ABCB11: variants seen among roughly 807,000 people sequenced by gnomAD.
The protein encoded by ABCB11 is ATP binding cassette subfamily B member 11, also known as bile salt export pump.
In ABCB11, 95 loss-of-function variants were observed where a neutral mutation model predicts 148.0. The observed-to-expected ratio is 0.64, with a 90% CI of 0.54 to 0.76. ABCB11 has a LOEUF of 0.76. ABCB11 is among the 30% of genes least tolerant of loss of function. The pLI, the probability that ABCB11 is intolerant of heterozygous loss-of-function variation, is 0.00. For synonymous variants in ABCB11, 591 were observed against 555.4 expected (o/e 1.06, Z -0.90); for missense variants, 1,523 against 1,617.8 (o/e 0.94, Z 1.01).
intron 5 of ABCB11, among the ~76,000 whole-genome samples, chr2:169,001,474 G>A (rs1421929230): frequency 2.0e-5 from 3 of 152,104 alleles, no homozygotes; most frequent in Non-Finnish European, 2.9e-5. Context: ...AGCAGGTAAG[G>A]GGAGAGGTGC....
chr2:169,026,312 T>C (rs1695692774), intron 1 of ABCB11, among the ~76,000 whole-genome samples: 1 of 152,226 alleles, frequency 6.6e-6, no homozygotes, highest in Non-Finnish European at 1.5e-5. Flanking sequence ...CTGTTCTTTT[T>C]TGACATGCCA....
At chr2:168,933,482 C>T (rs1018706005) in intron 23 of ABCB11, among the ~76,000 whole-genome samples, 4 of 152,006 alleles carry the variant, frequency 2.6e-5, no homozygotes, top group African/African-American at 9.7e-5. Context: ...TGAGTAGTAG[C>T]CCCCAAAGCT....
At chr2:168,945,336 C>A (rs908141779) in intron 19 of ABCB11, among the ~76,000 whole-genome samples, 3 of 151,794 alleles carry the variant, frequency 2.0e-5, no homozygotes, top group Non-Finnish European at 4.4e-5. Context: ...AGTAATTAAA[C>A]GAAAGTTAGC....
rs748082281 is a variant in ABCB11 at position 169,013,248 on chromosome 2, A to C, written c.389+24T>G. The C allele has an allele frequency of 3.8e-6, 6 of 1,562,760 alleles. No individual in the cohort carries two copies. In the South Asian group the frequency reaches 5.9e-5, roughly 15 times the overall value. On this transcript the variant is annotated intron_variant, in intron 5 of 27. Transcript: ENST00000650372. Reference sequence around the variant, plus strand: ...TTTAAGATATGAGCAAAAAAGTAAAAAATTAAAAACAAAAACAACCTACCC... The same window carrying C: ...TTTAAGATATGAGCAAAAAAGTAAACAATTAAAAACAAAAACAACCTACCC...
In ABCB11 at chr2:168,976,607, G is replaced by A. The variant is rs762550955; in HGVS notation, c.1278C>T (p.Thr426=). 2 of 1,605,844 alleles carry A rather than the reference G, an allele frequency of 1.2e-6. No individual in the cohort carries two copies. The highest frequency in any genetic ancestry group is 1.7e-5 in the Admixed American group (1 of 59,652). Residue 426 remains threonine (T), a synonymous_variant, in exon 12 of 28, where the codon ACC becomes ACT. Coordinates refer to ENST00000650372, the MANE Select transcript of ABCB11 (RefSeq NM_003742.4). The part of the protein sequence containing the change: ...IKGEIEFHNV[T]FHYPSRPEVK... The stretch of plus-strand genomic sequence containing the variant: ...CCTCTGGTCTGGAAGGATAATGGAA[G>A]GTCACATTATGGAATTCAATTTCAC...
Position 168,994,208 on chromosome 2 carries a change from T to C in ABCB11, c.612-326A>G, listed in dbSNP as rs3815677. Reference sequence around the variant, plus strand: ...CTCTGTCTTGCAAAGCTTTTCTTTCTTCATGCCTGCTGAATCCTTTCAGCC... The same window carrying C: ...CTCTGTCTTGCAAAGCTTTTCTTTCCTCATGCCTGCTGAATCCTTTCAGCC... On this transcript the variant is annotated intron_variant, in intron 7 of 27. Transcript: ENST00000650372. 0.015 allele frequency among the ~76,000 whole-genome samples: 2,296 copies of C among 152,208 alleles called. 252 individuals are homozygous for C. In the East Asian group the frequency reaches 0.3, roughly 20 times the overall value.
chr2:169,003,628 T>G (rs1450732438), intron 5 of ABCB11, among the ~76,000 whole-genome samples: 1 of 152,102 alleles, frequency 6.6e-6, no homozygotes, highest in Non-Finnish European at 1.5e-5. Flanking sequence ...GATTACTGGA[T>G]CAAACGGTAG....
At chr2:169,023,823 G>A (rs1467896650) in intron 1 of ABCB11, among the ~76,000 whole-genome samples, 1 of 152,206 alleles carries the variant, frequency 6.6e-6, no homozygotes, top group Non-Finnish European at 1.5e-5. Context: ...ATGAGACTGG[G>A]GAGGGGCTCA....
intron 21 of ABCB11, among the ~76,000 whole-genome samples, chr2:168,937,619 T>C (rs771990738): frequency 6.6e-6 from 1 of 152,264 alleles, no homozygotes; most frequent in Admixed American, 6.5e-5. Context: ...CAAGTACTGA[T>C]GCATTTGGCT....
At chr2:169,001,709 C>T (rs140570146) in intron 5 of ABCB11, among the ~76,000 whole-genome samples, 1 of 152,250 alleles carries the variant, frequency 6.6e-6, no homozygotes, top group East Asian at 1.9e-4. Context: ...TTCTACTAGG[C>T]TTTCTCTTTC....
chr2:168,964,664 A>G (rs1693222379), intron 17 of ABCB11, among the ~76,000 whole-genome samples: 1 of 151,814 alleles, frequency 6.6e-6, no homozygotes, highest in Non-Finnish European at 1.5e-5. Flanking sequence ...TGCCTTGGCA[A>G]CAGTCTATTT....
rs2390792 is a variant in ABCB11, at chr2:168,968,232, C to A, written c.2075+195G>T. Among the ~76,000 whole-genome samples, 50 of 95,216 alleles carry A rather than the reference C, an allele frequency of 5.3e-4. No individual in the cohort carries two copies. The East Asian group carries it at 0.013, about 26-fold the overall frequency. The allele number at this position is 95,216 out of a possible 152,430, so 62.5% of individuals were successfully genotyped here. On this transcript the variant is annotated intron_variant, in intron 17 of 27. Coordinates refer to ENST00000650372, the MANE Select transcript of ABCB11 (RefSeq NM_003742.4). ...TATCCCCAAGAAGATGAGAAGCTAA[C>A]CAAAAACCCATGAATTGGGGAGAGA...
chr2:168,932,987 T>C (rs1691648470), intron 23 of ABCB11, among the ~76,000 whole-genome samples: 1 of 151,366 alleles, frequency 6.6e-6, no homozygotes, highest in Non-Finnish European at 1.5e-5. Flanking sequence ...TGGTCGCCTG[T>C]GGTCCCAGCT....
At chr2:168,943,660 G>A (rs1285738718) in intron 21 of ABCB11, among the ~76,000 whole-genome samples, 1 of 151,980 alleles carries the variant, frequency 6.6e-6, no homozygotes, top group African/African-American at 2.4e-5. Flanking sequence ...ATTGAAAGTG[G>A]CCTATTTATA....
At chr2:169,001,620 C>T (rs1024777153) in intron 5 of ABCB11, among the ~76,000 whole-genome samples, 1 of 152,124 alleles carries the variant, frequency 6.6e-6, no homozygotes, top group Non-Finnish European at 1.5e-5. Flanking sequence ...AATCAACATT[C>T]GCTGGCATGG....
At chr2:168,988,604 G>GA (rs1694408319) in intron 9 of ABCB11, among the ~76,000 whole-genome samples, 1 of 152,110 alleles carries the variant, frequency 6.6e-6, no homozygotes, top group Non-Finnish European at 1.5e-5. Context: ...TTGACATAGT[G>GA]ATTTCATTTC....
At position 168,990,903 on chromosome 2, in the gene ABCB11, T is replaced by C. The variant is rs1171007715; in HGVS notation, c.806A>G (p.Tyr269Cys). Reference sequence around the variant, plus strand: ...TGCTTTGGCATAGGCCTTCAGCTCATAGTCCGTAAACTTGGACACACTCTA... The same window carrying C: ...TGCTTTGGCATAGGCCTTCAGCTCACAGTCCGTAAACTTGGACACACTCTA... ...IGLSVSKFTD[Y>C]ELKAYAKAGV... is the part of the protein sequence containing the mutation. Residue 269 changes from tyrosine to cysteine, a missense_variant, in exon 9 of 28, where the codon TAT becomes TGT. Transcript: ENST00000650372. 2 of 1,612,884 alleles carry C rather than the reference T, an allele frequency of 1.2e-6. No homozygotes were observed. Among genetic ancestry groups the C allele is most frequent in the East Asian group, 4.5e-5 (2 of 44,862 alleles).
downstream of ABCB11, among the ~76,000 whole-genome samples, chr2:168,919,991 G>A (rs1023533868): frequency 6.6e-6 from 1 of 152,050 alleles, no homozygotes; most frequent in African/African-American, 2.4e-5. Flanking sequence ...CCCCACTTCA[G>A]CTTCCCGAGT....
At chr2:169,001,357 G>T (rs1558919827) in intron 5 of ABCB11, among the ~76,000 whole-genome samples, 1 of 152,052 alleles carries the variant, frequency 6.6e-6, no homozygotes, top group Non-Finnish European at 1.5e-5. Context: ...ATTCTTTTGG[G>T]GTAAGTCAGC....
Sources: allele counts gnomAD v4.1 joint callset (sites outside exome capture counted in the v4.1 genomes callset), GRCh38; gene constraint gnomAD v4.1.1; transcripts MANE v1.5; gene names NCBI Gene and HGNC (gene_info 2026-07-23, HGNC 2026-07-21).